KIAA1549L: variants seen among roughly 807,000 people sequenced by gnomAD.
KIAA1549L encodes the protein KIAA1549 like.
KIAA1549L carries 88 observed loss-of-function variants against 160.7 expected under a neutral mutation model. That is an observed-to-expected ratio of 0.55 (90% CI 0.46 to 0.65). The LOEUF is 0.65. Ranked by LOEUF, KIAA1549L falls within the 30% of genes least tolerant of loss-of-function variation. KIAA1549L has a pLI of 0.00. For synonymous variants in KIAA1549L, 950 were observed against 976.7 expected (o/e 0.97, Z 0.51); for missense variants, 2,258 against 2,437.5 (o/e 0.93, Z 1.55).
intron 12 of KIAA1549L, among the ~76,000 whole-genome samples, chr11:33,598,438 T>A (rs1315009712): frequency 6.6e-6 from 1 of 152,164 alleles, no homozygotes; most frequent in Non-Finnish European, 1.5e-5. Flanking sequence ...TCCCTGGAAA[T>A]TCCCATGTGA....
chr11:33,554,945 T>C (rs566615744), intron 6 of KIAA1549L, among the ~76,000 whole-genome samples: 1 of 152,260 alleles, frequency 6.6e-6, no homozygotes, highest in East Asian at 1.9e-4. Flanking sequence ...GCTACAGGAA[T>C]CTAAGAGTTA....
chr11:33,443,591 G>T (rs992574716), intron 1 of KIAA1549L, among the ~76,000 whole-genome samples: 5 of 152,002 alleles, frequency 3.3e-5, no homozygotes, highest in Non-Finnish European at 5.9e-5. Context: ...CAAAGTACTT[G>T]ATTTTTTTTG....
intron 1 of KIAA1549L, among the ~76,000 whole-genome samples, chr11:33,524,341 T>C (rs1290463139): frequency 2.0e-5 from 3 of 152,108 alleles, no homozygotes; most frequent in African/African-American, 7.2e-5. Flanking sequence ...CTCTATTTTT[T>C]TTTCTTAAAC....
At chr11:33,511,112 C>T (rs1296709229) in intron 1 of KIAA1549L, among the ~76,000 whole-genome samples, 2 of 152,220 alleles carry the variant, frequency 1.3e-5, no homozygotes, top group African/African-American at 4.8e-5. Context: ...ATCAGATGTA[C>T]TTCTGTGATG....
chr11:33,507,993 G>A (rs975951408), intron 1 of KIAA1549L, among the ~76,000 whole-genome samples: 6 of 152,190 alleles, frequency 3.9e-5, no homozygotes, highest in Non-Finnish European at 5.9e-5. Context: ...GAAGGACTGG[G>A]CTGCCAAGAG....
At chr11:33,628,696 G>A (rs1466556905) in intron 16 of KIAA1549L, among the ~76,000 whole-genome samples, 1 of 147,778 alleles carries the variant, frequency 6.8e-6, no homozygotes, top group South Asian at 2.2e-4. Flanking sequence ...CGTGAGATGG[G>A]TTTCCTGAAT....
intron 10 of KIAA1549L, among the ~76,000 whole-genome samples, chr11:33,577,097 G>C (rs1368502820): frequency 6.6e-6 from 1 of 152,230 alleles, no homozygotes; most frequent in Non-Finnish European, 1.5e-5. Flanking sequence ...GGAGGAGAGT[G>C]TGGGGTTCAG....
intron 1 of KIAA1549L, among the ~76,000 whole-genome samples, chr11:33,428,450 C>T (rs1851164632): frequency 6.6e-6 from 1 of 152,112 alleles, no homozygotes; most frequent in African/African-American, 2.4e-5. Context: ...TCTCCCTCCC[C>T]ATCCCCCCGC....
chr11:33,484,506 C>T (rs547007864), intron 1 of KIAA1549L, among the ~76,000 whole-genome samples: 3 of 152,326 alleles, frequency 2.0e-5, no homozygotes, highest in African/African-American at 7.2e-5. Flanking sequence ...GAGTGGACTT[C>T]GCCAGTTACT....
At chr11:33,435,814 G>GTATATA in intron 1 of KIAA1549L, among the ~76,000 whole-genome samples, 1 of 32,752 alleles carries the variant, frequency 3.1e-5, no homozygotes, top group Admixed American at 3.1e-4. Context: ...ATATATATGT[G>GTATATA]TGTGTATATA....
intron 18 of KIAA1549L, 123 bp from the exon 19 acceptor site, chr11:33,658,627 T>TG (rs1233462336): frequency 1.6e-5 from 15 of 938,224 alleles, no homozygotes; most frequent in Non-Finnish European, 1.9e-5. Context: ...AATCCAGTCC[T>TG]GGGGACCTCA....
At chr11:33,635,742 C>A (rs1851420005) in intron 16 of KIAA1549L, among the ~76,000 whole-genome samples, 1 of 151,764 alleles carries the variant, frequency 6.6e-6, no homozygotes, top group African/African-American at 2.4e-5. Context: ...ATGTCTTTTA[C>A]TGTTGAAGAC....
chr11:33,409,507 A>C (rs996205851), intron 1 of KIAA1549L, among the ~76,000 whole-genome samples: 2 of 152,180 alleles, frequency 1.3e-5, no homozygotes, highest in Non-Finnish European at 2.9e-5. Flanking sequence ...TACTAATTTC[A>C]TTAAGGGTAG....
At chr11:33,641,782 C>G (rs1851594591) in intron 16 of KIAA1549L, among the ~76,000 whole-genome samples, 1 of 151,376 alleles carries the variant, frequency 6.6e-6, no homozygotes, top group Admixed American at 6.6e-5. Context: ...TTCATAAGTT[C>G]TTATAAGGAC....
chr11:33,403,256 C>CGCAG (rs1850544393), intron 1 of KIAA1549L: 1 of 80,964 alleles, frequency 1.2e-5, no homozygotes, highest in Non-Finnish European at 2.5e-5. Context: ...CAGACACACA[C>CGCAG]ACAGACACAG....
chr11:33,566,040 A>G (rs1304380246), intron 8 of KIAA1549L, among the ~76,000 whole-genome samples: 1 of 152,192 alleles, frequency 6.6e-6, no homozygotes, highest in Non-Finnish European at 1.5e-5. Flanking sequence ...TTTTATTGTA[A>G]AATATACCTA....
At position 33,543,646 on chromosome 11, in the gene KIAA1549L, GT is replaced by G; in HGVS notation, c.2087del (p.Phe696SerfsTer17). On this transcript the variant is annotated frameshift_variant, in exon 2 of 21. Coordinates refer to ENST00000658780, the MANE Select transcript of KIAA1549L (RefSeq NM_012194.3). LOFTEE classifies it high-confidence loss of function. Reference sequence around the variant, plus strand: ...CATGAAAAAGCCAGCAACCACAGATGTTTTCTGGAGTTCTCTTTCAGCAGAA... The same window carrying G: ...CATGAAAAAGCCAGCAACCACAGATGTTTCTGGAGTTCTCTTTCAGCAGAA... The part of the protein sequence containing the change: ...GDMKKPATTD[V>X]FWSSLSAETG... 5.0e-6 allele frequency: 8 copies of G among 1,613,932 alleles called. No homozygotes were observed. Among genetic ancestry groups the G allele is most frequent in the Non-Finnish European group, 6.8e-6 (8 of 1,179,844 alleles).
intron 1 of KIAA1549L, among the ~76,000 whole-genome samples, chr11:33,493,070 T>A (rs183882894): frequency 9.9e-5 from 15 of 152,284 alleles, no homozygotes; most frequent in Admixed American, 7.2e-4. Context: ...ATGGTGATGA[T>A]GGAAGGTCTT....
chr11:33,529,388 G>A (rs546983801), intron 1 of KIAA1549L, among the ~76,000 whole-genome samples: 133 of 151,984 alleles, frequency 8.8e-4, no homozygotes, highest in Non-Finnish European at 1.4e-3. Flanking sequence ...ACTCAGAAAC[G>A]TCTTAATTAG....
Sources: allele counts gnomAD v4.1 joint callset (sites outside exome capture counted in the v4.1 genomes callset), GRCh38; gene constraint gnomAD v4.1.1; transcripts MANE v1.5; gene names NCBI Gene and HGNC (gene_info 2026-07-23, HGNC 2026-07-21).